The following ERC1 variants were observed in gnomAD, a reference collection of about 807,000 sequenced individuals.
The protein encoded by ERC1 is ELKS/RAB6-interacting/CAST family member 1.
A neutral mutation model predicts 132.0 loss-of-function variants in ERC1; 56 were observed. The observed-to-expected ratio is 0.42, with a 90% CI of 0.34 to 0.53. The LOEUF (loss-of-function observed/expected upper bound fraction) is 0.53. ERC1 is among the 20% of genes least tolerant of loss of function. The pLI is 0.03. For synonymous variants in ERC1, 478 were observed against 476.1 expected, an observed-to-expected ratio of 1.00 and a Z score of -0.05; for missense variants, 1,202 against 1,349.9, an observed-to-expected ratio of 0.89 and a Z score of 1.72.
chr12:1,317,168 GAA>G (rs139637325), intron 15 of ERC1, among the ~76,000 whole-genome samples: 9,115 of 107,644 alleles, frequency 0.085, 314 homozygotes, highest in South Asian at 0.17. Flanking sequence ...TCTCAAAAAC[GAA>G]AAAAAAAAAA....
At chr12:1,205,769 A>G (rs1957302025) in intron 12 of ERC1, among the ~76,000 whole-genome samples, 1 of 152,112 alleles carries the variant, frequency 6.6e-6, no homozygotes, top group Non-Finnish European at 1.5e-5. Flanking sequence ...TTAGTATAAA[A>G]ATTTCATGAA....
At chr12:1,077,974 A>G (rs995010963) in intron 2 of ERC1, among the ~76,000 whole-genome samples, 1 of 152,180 alleles carries the variant, frequency 6.6e-6, no homozygotes, top group African/African-American at 2.4e-5. Context: ...AAGTCAGAGC[A>G]TTGTTTTATT....
rs1479958173 is a variant in ERC1 at position 1,485,130 on chromosome 12, C to T, written c.3214-4963C>T. On this transcript the variant is annotated intron_variant, in intron 18 of 18. Coordinates refer to ENST00000360905, the MANE Select transcript of ERC1 (RefSeq NM_178040.4). ...TCTTGAACTCCTAGGCTCAAGTGAT[C>T]TGCCTGCCTCAGCCTCCCAAAGTGC... Among the ~76,000 whole-genome samples, 3 of 151,230 alleles carry T rather than the reference C, an allele frequency of 2.0e-5. 1 individual carries two copies. The South Asian group carries it at 6.3e-4, about 32-fold the overall frequency.
intron 2 of ERC1, among the ~76,000 whole-genome samples, chr12:1,034,371 T>C (rs1267778066): frequency 2.6e-5 from 4 of 151,922 alleles, no homozygotes; most frequent in African/African-American, 9.7e-5. Flanking sequence ...AGTCCAGGAG[T>C]TTGAGTCCAG....
chr12:1,171,817 A>G (rs760043444), intron 8 of ERC1, among the ~76,000 whole-genome samples: 2 of 152,190 alleles, frequency 1.3e-5, no homozygotes, highest in Admixed American at 6.5e-5. Flanking sequence ...AAGGCAGAGT[A>G]ATCAGTTCCA....
intron 12 of ERC1, 49 bp downstream of exon 12, chr12:1,190,101 A>AAAACCATACTTT (rs773359447): frequency 4.0e-6 from 6 of 1,497,708 alleles, no homozygotes; most frequent in Middle Eastern, 1.7e-4. Flanking sequence ...GTATGGTTTT[A>AAAACCATACTTT]AAAGTATGCT....
chr12:1,216,363 A>T (rs905527434), intron 12 of ERC1, among the ~76,000 whole-genome samples: 2 of 152,090 alleles, frequency 1.3e-5, no homozygotes, highest in African/African-American at 4.8e-5. Flanking sequence ...ATCTGCTTTT[A>T]TTAATGATTT....
intron 13 of ERC1, among the ~76,000 whole-genome samples, chr12:1,255,832 G>A (rs546656278): frequency 6.6e-6 from 1 of 151,208 alleles, no homozygotes; most frequent in African/African-American, 2.4e-5. Flanking sequence ...GTAGAGACGG[G>A]GTTTCACCAT....
chr12:1,119,653 C>T (rs969655524), intron 7 of ERC1, among the ~76,000 whole-genome samples: 8 of 151,696 alleles, frequency 5.3e-5, no homozygotes, highest in Non-Finnish European at 1.2e-4. Context: ...TGGGTTCAAG[C>T]GATTCTCCTG....
chr12:1,246,189 G>A (rs1261569687), intron 13 of ERC1, among the ~76,000 whole-genome samples: 2 of 152,116 alleles, frequency 1.3e-5, no homozygotes, highest in African/African-American at 4.8e-5. Flanking sequence ...AAATACATAT[G>A]TACAAGGTGA....
intron 2 of ERC1, among the ~76,000 whole-genome samples, chr12:1,039,241 G>A (rs993995333): frequency 5.3e-5 from 8 of 151,764 alleles, no homozygotes; most frequent in Admixed American, 2.6e-4. Flanking sequence ...GGAGGCTGAG[G>A]CAGGAGAATG....
chr12:1,464,336 G>A (rs2093699383), intron 18 of ERC1, among the ~76,000 whole-genome samples: 1 of 152,046 alleles, frequency 6.6e-6, no homozygotes. Flanking sequence ...GAGTTCTGGT[G>A]TTCGTGGCTC....
intron 18 of ERC1, among the ~76,000 whole-genome samples, chr12:1,471,905 G>A (rs564924859): frequency 2.0e-5 from 3 of 152,330 alleles, no homozygotes; most frequent in Admixed American, 1.3e-4. Flanking sequence ...AGGCGTGATA[G>A]ATACATATTA....
At chr12:1,140,354 C>T (rs1263145689) in intron 7 of ERC1, among the ~76,000 whole-genome samples, 13 of 152,098 alleles carry the variant, frequency 8.5e-5, no homozygotes, top group Admixed American at 8.5e-4. Flanking sequence ...ATATCCCTTA[C>T]CTAAAATGCA....
chr12:1,494,629 A>T lies in ERC1; in HGVS notation c.*4399A>T, dbSNP rs1211356064. On this transcript the variant is annotated 3_prime_UTR_variant, in exon 19 of 19. Transcript: ENST00000360905. ...GGCCCTGTTGTAGGTACTTCTCCTG[A>T]CTCTTGGGGGAGAAGTGGTTTTAGG... is the stretch of plus-strand genomic sequence containing the variant. The T allele has an allele frequency of 4.3e-6, 1 of 230,104 alleles. No homozygotes were observed. The highest frequency in any genetic ancestry group is 8.6e-6 in the Non-Finnish European group (1 of 116,546). 14.3% of individuals were successfully genotyped at this position (230,104 alleles called of 1,614,324 possible).
Position 1,146,966 on chromosome 12 carries a change from T to C in ERC1, c.1737+5179T>C, listed in dbSNP as rs948676584. 2.6e-5 allele frequency among the ~76,000 whole-genome samples: 4 copies of C among 152,252 alleles called. No individual in the cohort carries two copies. In the East Asian group the frequency reaches 7.7e-4, roughly 29 times the overall value. Reference sequence around the variant, plus strand: ...AAGGACACAAACTCATCATTTTTTATGGCTGCATAGTATTCCATGGTGTAT... The same window carrying C: ...AAGGACACAAACTCATCATTTTTTACGGCTGCATAGTATTCCATGGTGTAT... On this transcript the variant is annotated intron_variant, in intron 8 of 18. Coordinates refer to ENST00000360905, the MANE Select transcript of ERC1 (RefSeq NM_178040.4).
chr12:1,077,339 G>A (rs916626647), intron 2 of ERC1, among the ~76,000 whole-genome samples: 14 of 152,132 alleles, frequency 9.2e-5, no homozygotes, highest in African/African-American at 2.9e-4. Flanking sequence ...TTATTTGTTG[G>A]AAGTTCTGCC....
At chr12:1,330,774 A>G (rs1260624259) in intron 15 of ERC1, among the ~76,000 whole-genome samples, 1 of 152,008 alleles carries the variant, frequency 6.6e-6, no homozygotes, top group African/African-American at 2.4e-5. Context: ...TTTCTCTAAT[A>G]TTTTGTTCTG....
At chr12:1,224,675 A>T (rs2074413377) in intron 12 of ERC1, among the ~76,000 whole-genome samples, 1 of 152,062 alleles carries the variant, frequency 6.6e-6, no homozygotes, top group Admixed American at 6.5e-5. Flanking sequence ...ACTGTAAAAA[A>T]ATGATAAAAA....
Sources: allele counts gnomAD v4.1 joint callset (sites outside exome capture counted in the v4.1 genomes callset), GRCh38; gene constraint gnomAD v4.1.1; transcripts MANE v1.5; gene names NCBI Gene and HGNC (gene_info 2026-07-23, HGNC 2026-07-21).